The following FAM91A1 variants were observed in gnomAD, a reference collection of about 807,000 sequenced individuals.
FAM91A1 encodes the protein family with sequence similarity 91 member A1.
In FAM91A1, 41 loss-of-function variants were observed where a neutral mutation model predicts 113.5. That is an observed-to-expected ratio of 0.36 (90% CI 0.28 to 0.47). The LOEUF (loss-of-function observed/expected upper bound fraction) is 0.47. FAM91A1 is among the 20% of genes least tolerant of loss of function. FAM91A1 has a pLI of 1.00. For missense variants in FAM91A1, 696 were observed against 1,001.2 expected (o/e 0.70, Z 4.11); for synonymous variants, 307 against 347.9 (o/e 0.88, Z 1.31).
intron 3 of FAM91A1, among the ~76,000 whole-genome samples, chr8:123,776,140 T>C (rs1814978937): frequency 6.6e-6 from 1 of 152,234 alleles, no homozygotes; most frequent in East Asian, 1.9e-4. Context: ...GTTGTTAGCC[T>C]TTTTCCAAAG....
chr8:123,790,743 A>C (rs767891174), intron 15 of FAM91A1, among the ~76,000 whole-genome samples: 35 of 152,190 alleles, frequency 2.3e-4, no homozygotes, highest in Non-Finnish European at 3.7e-4. Flanking sequence ...TACTTGAGTG[A>C]GGCTAGACTC....
chr8:123,793,983 G>A (rs897205738), intron 15 of FAM91A1, among the ~76,000 whole-genome samples: 29 of 152,168 alleles, frequency 1.9e-4, no homozygotes, highest in Non-Finnish European at 3.7e-4. Flanking sequence ...CATGCTCTAC[G>A]GACCAGAAAT....
rs188436451 is a variant in FAM91A1 at position 123,775,849 on chromosome 8, T to C, written c.309+551T>C. Among the ~76,000 whole-genome samples, 10 of 152,010 alleles carry C rather than the reference T, an allele frequency of 6.6e-5. No individual in the cohort carries two copies. In the East Asian group the frequency reaches 1.4e-3, roughly 21 times the overall value. The stretch of plus-strand genomic sequence containing the variant: ...CCGTGGTGGTGTGCACCTGTAATCC[T>C]AGCTACTCAGGAGGCTGAGGGGGGA... On this transcript the variant is annotated intron_variant, in intron 3 of 23. Transcript: ENST00000334705.
Position 123,813,586 on chromosome 8 carries a change from A to C in FAM91A1, c.*882A>C, listed in dbSNP as rs1416865325. 6.6e-6 allele frequency: 1 copy of C among 152,364 alleles called. No homozygotes were observed. The highest frequency in any genetic ancestry group is 2.4e-5 in the African/African-American group (1 of 41,458). The allele number at this position is 152,364 out of a possible 1,614,324, so 9.4% of individuals were successfully genotyped here. On this transcript the variant is annotated 3_prime_UTR_variant, in exon 24 of 24. Coordinates refer to ENST00000334705, the MANE Select transcript of FAM91A1 (RefSeq NM_144963.4). ...ATTACATATTAGAAGCATTAAGACT[A>C]TGTCTTTGGATCAGAATGCTTTAGT...
intron 6 of FAM91A1, 53 bp downstream of exon 6, chr8:123,778,825 C>T: frequency 8.4e-7 from 1 of 1,192,524 alleles, no homozygotes; most frequent in Non-Finnish European, 1.1e-6. Flanking sequence ...GTTTATTTTA[C>T]AATTTTTAAT....
chr8:123,796,583 C>T (rs1168702140), intron 15 of FAM91A1, among the ~76,000 whole-genome samples: 12 of 151,272 alleles, frequency 7.9e-5, no homozygotes, highest in African/African-American at 2.2e-4. Context: ...CTCAGCCTCC[C>T]GAGTAGCTGG....
intron 15 of FAM91A1, among the ~76,000 whole-genome samples, chr8:123,797,563 AT>A (rs1815559011): frequency 6.6e-6 from 1 of 152,108 alleles, no homozygotes; most frequent in African/African-American, 2.4e-5. Flanking sequence ...ATAGTAATAT[AT>A]TTTTTCTTCC....
intron 22 of FAM91A1, among the ~76,000 whole-genome samples, 163 bp downstream of exon 22, chr8:123,809,179 CA>C (rs1251535241): frequency 1.3e-5 from 2 of 152,108 alleles, no homozygotes; most frequent in East Asian, 3.9e-4. Context: ...CTGTATTTTT[CA>C]AAATTAAATT....
At position 123,778,792 on chromosome 8, in the gene FAM91A1, A is replaced by T. The variant is rs751728456; in HGVS notation, c.549+20A>T. The T allele has an allele frequency of 1.3e-5, 18 of 1,390,220 alleles. No homozygotes were observed. Among genetic ancestry groups the T allele is most frequent in the African/African-American group, 3.0e-5 (2 of 66,522 alleles). The allele number at this position is 1,390,220 out of a possible 1,614,324, so 86.1% of individuals were successfully genotyped here. On this transcript the variant is annotated intron_variant, in intron 6 of 23. Coordinates refer to ENST00000334705, the MANE Select transcript of FAM91A1 (RefSeq NM_144963.4). ...ATCAAGGTAGAAATCTTTAAAAGTT[A>T]AACATAGAATTTTTATTTTTTAGTT...
At chr8:123,810,535 C>T (rs775025661) in intron 23 of FAM91A1, 184 bp downstream of exon 23, 42 of 681,926 alleles carry the variant, frequency 6.2e-5, no homozygotes, top group Non-Finnish European at 9.3e-5. Context: ...GCCAGGTCTT[C>T]GGAGACCAAA....
At chr8:123,776,724 G>A (rs1289643659) in intron 3 of FAM91A1, among the ~76,000 whole-genome samples, 1 of 152,194 alleles carries the variant, frequency 6.6e-6, no homozygotes, top group Non-Finnish European at 1.5e-5. Flanking sequence ...TTCCTCGGTA[G>A]AAAACGGGCC....
chr8:123,776,646 G>A (rs1682849302), intron 3 of FAM91A1, among the ~76,000 whole-genome samples: 1 of 152,152 alleles, frequency 6.6e-6, no homozygotes. Flanking sequence ...TCACTTATCA[G>A]CTTTCATTTC....
intron 8 of FAM91A1, among the ~76,000 whole-genome samples, chr8:123,784,042 A>G (rs1487213340): frequency 1.3e-5 from 2 of 152,226 alleles, no homozygotes; most frequent in South Asian, 2.1e-4. Context: ...TGGTTTTCGT[A>G]TAGCGTAGCA....
At chr8:123,784,652 A>T in intron 9 of FAM91A1, 76 bp downstream of exon 9, 1 of 1,033,580 alleles carries the variant, frequency 9.7e-7, no homozygotes, top group Admixed American at 2.5e-5. Flanking sequence ...GTTATTTAAT[A>T]TGGTAGTATC....
At chr8:123,769,933 A>C (rs62519924) in intron 1 of FAM91A1, among the ~76,000 whole-genome samples, 6,151 of 151,920 alleles carry the variant, frequency 0.04, 188 homozygotes, top group Non-Finnish European at 0.06. Flanking sequence ...GATGGTATAT[A>C]AGGATTATTT....
At chr8:123,788,291 TG>T (rs2130096285) in intron 14 of FAM91A1, 1 of 939,538 alleles carries the variant, frequency 1.1e-6, no homozygotes, top group South Asian at 4.9e-5. Flanking sequence ...TAAATCTGAT[TG>T]CCCTTTATTG....
At chr8:123,769,383 G>C (rs1814785265) in intron 1 of FAM91A1, among the ~76,000 whole-genome samples, 1 of 152,194 alleles carries the variant, frequency 6.6e-6, no homozygotes, top group African/African-American at 2.4e-5. Flanking sequence ...AGTTTGGACT[G>C]ACATGTTTGG....
At chr8:123,796,068 C>T (rs991868630) in intron 15 of FAM91A1, among the ~76,000 whole-genome samples, 2 of 152,170 alleles carry the variant, frequency 1.3e-5, no homozygotes, top group Non-Finnish European at 2.9e-5. Flanking sequence ...GACAGTGGTC[C>T]TGGTTAACCC....
intron 1 of FAM91A1, 57 bp downstream of exon 1, chr8:123,768,831 C>G: frequency 6.4e-7 from 1 of 1,552,480 alleles, no homozygotes; most frequent in Non-Finnish European, 8.8e-7. Flanking sequence ...CAGCGGTCAC[C>G]TGCTTGCCTC....
Sources: gnomAD v4.1 joint callset for allele counts (sites outside exome capture counted in the v4.1 genomes callset) on GRCh38, gnomAD v4.1.1 for gene constraint, MANE v1.5 for transcripts, NCBI Gene and HGNC (gene_info 2026-07-23, HGNC 2026-07-21) for gene names.